The following MED13 variants were observed in gnomAD, a reference collection of about 807,000 sequenced individuals.
MED13 encodes the protein mediator complex subunit 13.
In MED13, 23 loss-of-function variants were observed where a neutral mutation model predicts 225.2. The observed-to-expected ratio is 0.10, with a 90% confidence interval of 0.07 to 0.14. The LOEUF is 0.14. Ranked by LOEUF, MED13 falls within the 10% of genes least tolerant of loss-of-function variation. The probability of loss-of-function intolerance (pLI) is 1.00; values close to 1 mark genes in which losing one functional copy is unlikely to be tolerated. For missense variants in MED13, 2,197 were observed against 2,594.5 expected (o/e 0.85, Z 3.33); for synonymous variants, 942 against 889.2 (o/e 1.06, Z -1.06).
chr17:62,015,950 ATATATTTTTTTTTTT>A lies in MED13; in HGVS notation c.1284-4732_1284-4718del, dbSNP rs1187372761. Among the ~76,000 whole-genome samples, 47 of 13,734 alleles carry A rather than the reference ATATATTTTTTTTTTT, an allele frequency of 3.4e-3. 1 individual carries two copies. The highest frequency in any genetic ancestry group is 0.012 in the African/African-American group (44 of 3,616). The allele number at this position is 13,734 out of a possible 152,430, so 9.0% of individuals were successfully genotyped here. On this transcript the variant is annotated intron_variant, in intron 8 of 29. Transcript: ENST00000397786. ...TATATATATATATATATATATATAT[ATATATTTTTTTTTTT>A]TTTTTTTTTTTTTTTTTTAGTAGAG... is the stretch of plus-strand genomic sequence containing the variant.
At chr17:62,007,451 A>G (rs2080460727) in intron 9 of MED13, 1 of 152,254 alleles carries the variant, frequency 6.6e-6, no homozygotes, top group Non-Finnish European at 1.5e-5. Context: ...CTGAGAAAAC[A>G]GAGCACCATC....
At chr17:61,990,172 T>C (rs539675926) in intron 11 of MED13, among the ~76,000 whole-genome samples, 65 of 152,268 alleles carry the variant, frequency 4.3e-4, no homozygotes, top group Non-Finnish European at 7.6e-4. Context: ...AATAACATAT[T>C]GTATACTTGC....
intron 8 of MED13, among the ~76,000 whole-genome samples, chr17:62,013,699 C>T (rs919321500): frequency 4.6e-5 from 7 of 152,194 alleles, no homozygotes; most frequent in South Asian, 2.1e-4. Context: ...TCAGAGATTT[C>T]GGAGGAAGAA....
intron 9 of MED13, among the ~76,000 whole-genome samples, chr17:62,002,952 A>G (rs2080409741): frequency 6.6e-6 from 1 of 152,242 alleles, no homozygotes; most frequent in Non-Finnish European, 1.5e-5. Flanking sequence ...TATCCTGTGC[A>G]CTGTAAGATA....
intron 2 of MED13, among the ~76,000 whole-genome samples, chr17:62,062,600 C>CACCACACACACACACACACACACCA (rs914034052): frequency 7.3e-6 from 1 of 136,200 alleles, no homozygotes. Flanking sequence ...CACACACACA[C>CACCACACACACACACACACACACCA]CACACACACA....
chr17:62,034,914 T>C (rs1348276498), intron 4 of MED13, among the ~76,000 whole-genome samples: 1 of 151,974 alleles, frequency 6.6e-6, no homozygotes, highest in East Asian at 1.9e-4. Context: ...AGGTCAGGTG[T>C]TCAAGACCAG....
At chr17:62,024,565 G>A (rs1439193094) in intron 8 of MED13, among the ~76,000 whole-genome samples, 2 of 152,116 alleles carry the variant, frequency 1.3e-5, no homozygotes, top group African/African-American at 2.4e-5. Flanking sequence ...TTAGGTTCAG[G>A]GGTAAATTCG....
intron 3 of MED13, among the ~76,000 whole-genome samples, chr17:62,047,030 C>T (rs1249485837): frequency 7.9e-6 from 1 of 127,228 alleles, no homozygotes; most frequent in African/African-American, 3.6e-5. Context: ...CCACTGTGCC[C>T]AGCTTTTTTT....
At chr17:62,042,799 G>A in intron 3 of MED13, among the ~76,000 whole-genome samples, 1 of 151,892 alleles carries the variant, frequency 6.6e-6, no homozygotes, top group East Asian at 1.9e-4. Flanking sequence ...ACACTTGATA[G>A]CTGTATGAGC....
At chr17:61,967,861 A>C (rs562031144) in intron 18 of MED13, among the ~76,000 whole-genome samples, 174 bp downstream of exon 18, 1 of 152,188 alleles carries the variant, frequency 6.6e-6, no homozygotes, top group Non-Finnish European at 1.5e-5. Context: ...CGGCATACAC[A>C]TCTAACAGAC....
At chr17:61,984,134 A>G (rs2080228334) in intron 15 of MED13, 37 bp downstream of exon 15, 1 of 1,347,920 alleles carries the variant, frequency 7.4e-7, no homozygotes, top group African/African-American at 1.5e-5. Context: ...AAAGCTGTAT[A>G]AGCAGTCACA....
intron 2 of MED13, 134 bp from the exon 3 acceptor site, chr17:62,052,839 A>G: frequency 1.9e-6 from 1 of 516,036 alleles, no homozygotes; most frequent in Non-Finnish European, 3.2e-6. Context: ...CAATCACTTC[A>G]ATGTATCTCT....
chr17:62,030,572 C>T (rs2080745911), intron 6 of MED13: 1 of 152,294 alleles, frequency 6.6e-6, no homozygotes, highest in African/African-American at 2.4e-5. Context: ...GTCAGTCAAT[C>T]ATTGCTGGAT....
At chr17:61,951,329 T>A (rs1014281120) in intron 27 of MED13, among the ~76,000 whole-genome samples, 1 of 152,184 alleles carries the variant, frequency 6.6e-6, no homozygotes, top group African/African-American at 2.4e-5. Flanking sequence ...TTTGCTAATA[T>A]TCCTTTAAGT....
intron 2 of MED13, 80 bp from the exon 3 acceptor site, chr17:62,052,785 ACT>A: frequency 9.7e-7 from 1 of 1,026,790 alleles, no homozygotes; most frequent in Non-Finnish European, 1.4e-6. Context: ...TACAGTTTAA[ACT>A]CTATATTCAT....
At chr17:62,017,264 A>C (rs1172570399) in intron 8 of MED13, among the ~76,000 whole-genome samples, 1 of 150,806 alleles carries the variant, frequency 6.6e-6, no homozygotes, top group Non-Finnish European at 1.5e-5. Context: ...GAGCAAGATT[A>C]AAGTATTCCA....
chr17:61,975,485 G>A (rs1205943765), intron 16 of MED13, among the ~76,000 whole-genome samples: 3 of 152,200 alleles, frequency 2.0e-5, no homozygotes, highest in Non-Finnish European at 1.5e-5. Context: ...ACAAGTGTAA[G>A]TGAAACCCTC....
chr17:62,009,218 T>C lies in MED13; in HGVS notation c.1967+1332A>G, dbSNP rs193277137. On this transcript the variant is annotated intron_variant, in intron 9 of 29. Transcript: ENST00000397786. ...AAAGGCTTATTAGACAGACTATAAA[T>C]GTATTAATAACAACATAGAAAGTCA... 9.6e-4 allele frequency among the ~76,000 whole-genome samples: 146 copies of C among 152,280 alleles called. 1 individual carries two copies. Among genetic ancestry groups the C allele is most frequent in the Non-Finnish European group, 4.9e-4 (33 of 68,020 alleles).
At chr17:62,057,615 T>C (rs1340076786) in intron 2 of MED13, among the ~76,000 whole-genome samples, 1 of 152,246 alleles carries the variant, frequency 6.6e-6, no homozygotes, top group East Asian at 1.9e-4. Flanking sequence ...TCAATCCTAT[T>C]AACAGCTGTC....
Sources: gnomAD v4.1 joint callset for allele counts (sites outside exome capture counted in the v4.1 genomes callset) on GRCh38, gnomAD v4.1.1 for gene constraint, MANE v1.5 for transcripts, NCBI Gene and HGNC (gene_info 2026-07-23, HGNC 2026-07-21) for gene names.